The following FOXN3 variants were observed in gnomAD, a reference collection of about 807,000 sequenced individuals.
The protein encoded by FOXN3 is forkhead box protein N3.
A neutral mutation model predicts 38.4 loss-of-function variants in FOXN3; 7 were observed. The observed-to-expected ratio is 0.18, with a 90% confidence interval of 0.10 to 0.34. The LOEUF (loss-of-function observed/expected upper bound fraction) is 0.34, where lower values mean the gene tolerates loss of function less well. Among genes scored for constraint, FOXN3 ranks in the 10% least tolerant of loss-of-function variants. FOXN3 has a pLI of 1.00. For synonymous variants in FOXN3, 230 were observed against 242.2 expected, an observed-to-expected ratio of 0.95 and a Z score of 0.47; for missense variants, 456 against 613.4, an observed-to-expected ratio of 0.74 and a Z score of 2.71.
chr14:89,494,897 A>G (rs755960604), intron 1 of FOXN3, among the ~76,000 whole-genome samples: 10 of 152,214 alleles, frequency 6.6e-5, no homozygotes, highest in Admixed American at 1.3e-4. Flanking sequence ...TCAGAAAGGA[A>G]TTGTGATTTT....
intron 1 of FOXN3, among the ~76,000 whole-genome samples, chr14:89,538,408 A>T (rs1227924700): frequency 1.3e-5 from 2 of 152,234 alleles, no homozygotes; most frequent in Non-Finnish European, 1.5e-5. Context: ...GTCTTGGAGG[A>T]GTCCAGGTAA....
At chr14:89,290,556 G>A (rs1886838481) in intron 3 of FOXN3, 2 of 557,916 alleles carry the variant, frequency 3.6e-6, no homozygotes, top group Non-Finnish European at 7.1e-6. Context: ...GAAAATGTAA[G>A]CCACTTGTTT....
chr14:89,404,428 T>G (rs12883669), intron 2 of FOXN3, among the ~76,000 whole-genome samples: 1 of 143,056 alleles, frequency 7.0e-6, no homozygotes. Context: ...CGCTTGAACC[T>G]GGGAAGGCGG....
At chr14:89,250,488 A>G (rs1053698893) in intron 4 of FOXN3, among the ~76,000 whole-genome samples, 1 of 152,258 alleles carries the variant, frequency 6.6e-6, no homozygotes, top group Non-Finnish European at 1.5e-5. Context: ...CAATGGAACA[A>G]TTCTGAGAGA....
chr14:89,472,101 CA>C (rs1893106067), intron 1 of FOXN3, among the ~76,000 whole-genome samples: 1 of 152,022 alleles, frequency 6.6e-6, no homozygotes, highest in Non-Finnish European at 1.5e-5. Flanking sequence ...ACTAAAAATA[CA>C]AAAATTAGCT....
chr14:89,437,459 G>A (rs1892296219), intron 1 of FOXN3, among the ~76,000 whole-genome samples: 1 of 152,180 alleles, frequency 6.6e-6, no homozygotes, highest in African/African-American at 2.4e-5. Context: ...CTGATGGACA[G>A]ATGATGGTGG....
intron 1 of FOXN3, among the ~76,000 whole-genome samples, chr14:89,569,762 C>T: frequency 6.6e-6 from 1 of 152,292 alleles, no homozygotes; most frequent in African/African-American, 2.4e-5. Context: ...ACATCTGTGG[C>T]CTCAGATCCG....
intron 1 of FOXN3, among the ~76,000 whole-genome samples, chr14:89,599,627 GAT>G (rs1192205506): frequency 6.6e-6 from 1 of 151,972 alleles, no homozygotes; most frequent in Non-Finnish European, 1.5e-5. Flanking sequence ...CTGACTGACA[GAT>G]ATAGTACATG....
At chr14:89,532,856 G>T (rs1474466327) in intron 1 of FOXN3, among the ~76,000 whole-genome samples, 2 of 152,042 alleles carry the variant, frequency 1.3e-5, no homozygotes, top group African/African-American at 2.4e-5. Flanking sequence ...ATACATTTTG[G>T]TAACAAAGGT....
chr14:89,282,673 A>G (rs1405679458), intron 3 of FOXN3, among the ~76,000 whole-genome samples: 4 of 152,210 alleles, frequency 2.6e-5, no homozygotes, highest in Non-Finnish European at 4.4e-5. Context: ...AAAACTGAGG[A>G]CTTCATTATA....
In FOXN3 at chr14:89,164,845, C is replaced by T. The variant is rs983036551; in HGVS notation, c.852-1876G>A. Reference sequence around the variant, plus strand: ...TCATGGGCCTTGAGGCTCAGGGAGACTTCAGCTGCATCCCACATAGAAAGT... The same window carrying T: ...TCATGGGCCTTGAGGCTCAGGGAGATTTCAGCTGCATCCCACATAGAAAGT... On this transcript the variant is annotated intron_variant, in intron 5 of 5. Transcript: ENST00000557258. This position sits in a 1 kb window ranked among gnomAD's most constrained non-coding sequence, Gnocchi z 4.3. Among the ~76,000 whole-genome samples, 17 of 152,102 alleles carry T rather than the reference C, an allele frequency of 1.1e-4. No homozygotes were observed. The highest frequency in any genetic ancestry group is 4.1e-4 in the African/African-American group (17 of 41,404).
intron 1 of FOXN3, among the ~76,000 whole-genome samples, chr14:89,441,207 G>A (rs764861468): frequency 1.3e-5 from 2 of 151,894 alleles, no homozygotes; most frequent in African/African-American, 4.8e-5. Context: ...TCCCTGCCTC[G>A]ATTCAGAATA....
intron 4 of FOXN3, among the ~76,000 whole-genome samples, chr14:89,254,456 G>A (rs1566939739): frequency 6.6e-6 from 1 of 152,148 alleles, no homozygotes; most frequent in Non-Finnish European, 1.5e-5. Flanking sequence ...GAACTGCACG[G>A]CCAGACAGAC....
intron 1 of FOXN3, among the ~76,000 whole-genome samples, chr14:89,612,204 A>T (rs1366248696): frequency 6.6e-6 from 1 of 152,180 alleles, no homozygotes; most frequent in Non-Finnish European, 1.5e-5. Context: ...ATCATTAGGT[A>T]TTAGTAGCAG....
chr14:89,535,503 T>C (rs1477887661), intron 1 of FOXN3, among the ~76,000 whole-genome samples: 1 of 152,188 alleles, frequency 6.6e-6, no homozygotes, highest in South Asian at 2.1e-4. Flanking sequence ...TAGCAGATAA[T>C]GCAGCCTTTT....
intron 4 of FOXN3, among the ~76,000 whole-genome samples, chr14:89,261,106 T>C (rs150838087): frequency 1.3e-5 from 2 of 152,346 alleles, no homozygotes; most frequent in Non-Finnish European, 2.9e-5. Flanking sequence ...CTCTGGACCA[T>C]GCACATAGCA....
At chr14:89,392,835 C>T (rs1890991420) in intron 2 of FOXN3, among the ~76,000 whole-genome samples, 1 of 143,894 alleles carries the variant, frequency 6.9e-6, no homozygotes, top group Non-Finnish European at 1.5e-5. Context: ...GAGACAGCAT[C>T]TCGCTCTGTC....
chr14:89,566,269 C>A (rs188962991), intron 1 of FOXN3, among the ~76,000 whole-genome samples: 1 of 152,110 alleles, frequency 6.6e-6, no homozygotes, highest in Non-Finnish European at 1.5e-5. Context: ...TTAAGAACGG[C>A]TAATCAGAAA....
chr14:89,428,200 C>A (rs890385549), intron 1 of FOXN3, among the ~76,000 whole-genome samples: 6 of 152,356 alleles, frequency 3.9e-5, no homozygotes, highest in African/African-American at 1.4e-4. Flanking sequence ...TGATTACTAA[C>A]ATATTTCCCT....
Sources: allele counts gnomAD v4.1 joint callset (sites outside exome capture counted in the v4.1 genomes callset), GRCh38; gene constraint gnomAD v4.1.1; non-coding constraint Gnocchi (gnomAD v3.1); transcripts MANE v1.5; gene names NCBI Gene and HGNC (gene_info 2026-07-23, HGNC 2026-07-21).